ANKRD30B: variants seen among roughly 807,000 people sequenced by gnomAD.
ANKRD30B encodes the protein ankyrin repeat domain-containing protein 30B.
In ANKRD30B, 144 loss-of-function variants were observed where a neutral mutation model predicts 202.2. The observed-to-expected ratio is 0.71, with a 90% CI of 0.62 to 0.82. The LOEUF (loss-of-function observed/expected upper bound fraction) is 0.82. ANKRD30B is among the 40% of genes least tolerant of loss of function. ANKRD30B has a pLI of 0.00. For missense variants in ANKRD30B, 1,487 were observed against 1,669.1 expected (o/e 0.89, Z 1.90); for synonymous variants, 508 against 561.3 (o/e 0.91, Z 1.34).
chr18:14,766,493 A>AAAAAAAG (rs1567989711), intron 7 of ANKRD30B, among the ~76,000 whole-genome samples: 4 of 85,060 alleles, frequency 4.7e-5, no homozygotes, highest in African/African-American at 1.5e-4. Context: ...AAAAAAAAAA[A>AAAAAAAG]AAAAGAAAAG....
At chr18:14,795,491 C>A (rs1399266336) in intron 16 of ANKRD30B, among the ~76,000 whole-genome samples, 3 of 152,190 alleles carry the variant, frequency 2.0e-5, no homozygotes, top group East Asian at 3.8e-4. Flanking sequence ...GCCATGCCAC[C>A]TGGACTGTAT....
intron 1 of ANKRD30B, among the ~76,000 whole-genome samples, chr18:14,752,239 G>A (rs1227714784): frequency 2.6e-5 from 4 of 152,218 alleles, no homozygotes; most frequent in East Asian, 3.9e-4. Flanking sequence ...GTGAGATAAC[G>A]GCTGTATTCA....
intron 34 of ANKRD30B, among the ~76,000 whole-genome samples, chr18:14,834,516 A>T (rs1334641320): frequency 1.3e-5 from 2 of 152,058 alleles, no homozygotes; most frequent in Non-Finnish European, 2.9e-5. Context: ...GATATAAATT[A>T]TTTAAAATAA....
intron 32 of ANKRD30B, among the ~76,000 whole-genome samples, chr18:14,826,059 T>TC (rs1472813489): frequency 5.5e-4 from 84 of 152,222 alleles, no homozygotes; most frequent in African/African-American, 2.0e-3. Flanking sequence ...GTAATTGGTT[T>TC]ATACGTATTT....
chr18:14,903,960 T>C, the ANKRD30B span, among the ~76,000 whole-genome samples: 3 of 152,254 alleles, frequency 2.0e-5, no homozygotes, highest in African/African-American at 7.2e-5. Context: ...GATATATACT[T>C]GTCCCTGGCC....
chr18:14,899,086 T>C, the ANKRD30B span, among the ~76,000 whole-genome samples: 1 of 152,170 alleles, frequency 6.6e-6, no homozygotes, highest in Admixed American at 6.5e-5. Context: ...TTTTTAATCT[T>C]GTCATTATTT....
At chr18:14,821,316 T>C (rs1970410078) in intron 30 of ANKRD30B, among the ~76,000 whole-genome samples, 1 of 152,176 alleles carries the variant, frequency 6.6e-6, no homozygotes, top group South Asian at 2.1e-4. Flanking sequence ...AAAAACCAGC[T>C]CCTGGATTCA....
chr18:14,820,772 T>A (rs1445363265), intron 30 of ANKRD30B, among the ~76,000 whole-genome samples: 1 of 152,184 alleles, frequency 6.6e-6, no homozygotes, highest in African/African-American at 2.4e-5. Flanking sequence ...TGCCAGTATT[T>A]TATTGAGGAT....
chr18:14,906,570 G>C, the ANKRD30B span, among the ~76,000 whole-genome samples: 1 of 152,098 alleles, frequency 6.6e-6, no homozygotes, highest in African/African-American at 2.4e-5. Flanking sequence ...TTTATCTTTT[G>C]TGCATATAAA....
At position 14,748,236 on chromosome 18, in the gene ANKRD30B, T is replaced by G; in HGVS notation, c.-184T>G. On this transcript the variant is annotated 5_prime_UTR_variant, in exon 1 of 44. Coordinates refer to ENST00000690538, the MANE Select transcript of ANKRD30B (RefSeq NM_001367607.2). ...GAATTTCTCCCGACAGAGGCCGGAG[T>G]GTTCAAGAGCTTGGCGATACAGAAA... The G allele has an allele frequency of 4.0e-6, 2 of 503,882 alleles. No homozygotes were observed. The highest frequency in any genetic ancestry group is 3.5e-6 in the Non-Finnish European group (1 of 287,574). The allele number at this position is 503,882 out of a possible 1,614,324, so 31.2% of individuals were successfully genotyped here.
At chr18:14,913,030 G>T in the ANKRD30B span, among the ~76,000 whole-genome samples, 1 of 152,244 alleles carries the variant, frequency 6.6e-6, no homozygotes, top group South Asian at 2.1e-4. Flanking sequence ...TCCTGTCTGT[G>T]ACTGACCCAG....
At chr18:14,920,516 C>T in the ANKRD30B span, among the ~76,000 whole-genome samples, 17 of 152,286 alleles carry the variant, frequency 1.1e-4, no homozygotes, top group South Asian at 1.0e-3. Context: ...CAGAATTCCC[C>T]AGTCTTAGGG....
chr18:14,853,535 CTT>C (rs201106360), intron 42 of ANKRD30B, among the ~76,000 whole-genome samples: 4 of 141,940 alleles, frequency 2.8e-5, no homozygotes, highest in African/African-American at 5.1e-5. Context: ...CTAGTCCTGC[CTT>C]TTTTTTTTTT....
chr18:14,868,277 T>C, the ANKRD30B span, among the ~76,000 whole-genome samples: 1 of 152,284 alleles, frequency 6.6e-6, no homozygotes, highest in African/African-American at 2.4e-5. Flanking sequence ...CAGGCCTCAG[T>C]GATGGTGGAG....
chr18:14,815,588 A>T (rs1172682225), intron 30 of ANKRD30B, among the ~76,000 whole-genome samples: 1 of 152,172 alleles, frequency 6.6e-6, no homozygotes, highest in African/African-American at 2.4e-5. Context: ...GGGTCAAGAC[A>T]GAAAAGGTTA....
At chr18:14,811,455 C>A (rs1048684807) in intron 28 of ANKRD30B, among the ~76,000 whole-genome samples, 3 of 151,006 alleles carry the variant, frequency 2.0e-5, no homozygotes, top group African/African-American at 7.3e-5. Context: ...TTGTAATCCA[C>A]CCACCTCGGC....
the ANKRD30B span, among the ~76,000 whole-genome samples, chr18:14,932,375 C>T: frequency 1.3e-5 from 2 of 151,946 alleles, no homozygotes; most frequent in Non-Finnish European, 2.9e-5. Flanking sequence ...CTCACTCTGT[C>T]GCCCAGGCTG....
chr18:14,866,775 G>C, the ANKRD30B span, among the ~76,000 whole-genome samples: 1 of 151,970 alleles, frequency 6.6e-6, no homozygotes, highest in African/African-American at 2.4e-5. Context: ...GCTGGCAGTG[G>C]GGCAGGTTCA....
chr18:14,933,563 C>G, the ANKRD30B span, among the ~76,000 whole-genome samples: 5 of 152,194 alleles, frequency 3.3e-5, no homozygotes, highest in East Asian at 7.7e-4. Context: ...AGGTGGATCC[C>G]GGGACCAGGA....
Sources: gnomAD v4.1 joint callset for allele counts (sites outside exome capture counted in the v4.1 genomes callset) on GRCh38, gnomAD v4.1.1 for gene constraint, MANE v1.5 for transcripts, NCBI Gene and HGNC (gene_info 2026-07-23, HGNC 2026-07-21) for gene names.